The following ARPC1A variants were observed in gnomAD, a reference collection of about 807,000 sequenced individuals.
ARPC1A encodes the protein actin-related protein 2/3 complex subunit 1A.
Under a neutral mutation model 46.9 loss-of-function variants are expected in ARPC1A, and 8 were observed. The ratio of observed to expected loss-of-function variants is 0.17; its 90% confidence interval spans 0.10 to 0.31. The LOEUF (loss-of-function observed/expected upper bound fraction) is 0.31. ARPC1A is among the 10% of genes least tolerant of loss of function. The pLI, the probability that ARPC1A is intolerant of heterozygous loss-of-function variation, is 1.00. For synonymous variants in ARPC1A, 152 were observed against 169.0 expected, an observed-to-expected ratio of 0.90 and a Z score of 0.78; for missense variants, 286 against 483.6, an observed-to-expected ratio of 0.59 and a Z score of 3.83.
At chr7:99,335,033 GAC>G (rs1793217217) in intron 2 of ARPC1A, among the ~76,000 whole-genome samples, 1 of 152,158 alleles carries the variant, frequency 6.6e-6, no homozygotes, top group Admixed American at 6.5e-5. Flanking sequence ...TTTTAGTAGA[GAC>G]AGGGTTTCAC....
chr7:99,335,569 T>C (rs190957445), intron 2 of ARPC1A: 14 of 291,962 alleles, frequency 4.8e-5, no homozygotes, highest in South Asian at 3.6e-4. Flanking sequence ...CATTTCCATA[T>C]GAATTTTAGG....
Position 99,355,282 on chromosome 7 carries a change from C to CA in ARPC1A, c.713+1171dup, listed in dbSNP as rs201999341. ...GGGCAACAAGAGCAAAACTATGTCT[C>CA]AAAAAAAAAACTGCAAGTCAGCTTT... On this transcript the variant is annotated intron_variant, in intron 6 of 9. Transcript: ENST00000262942. Among the ~76,000 whole-genome samples the CA allele has an allele frequency of 2.5e-3, 366 of 145,096 alleles. 3 individuals carry two copies. In the East Asian group the frequency reaches 0.044, roughly 17 times the overall value.
rs1001744495 is a variant in ARPC1A at position 99,345,949 on chromosome 7, C to T, written c.392+1434C>T. 7.5e-4 allele frequency among the ~76,000 whole-genome samples: 114 copies of T among 152,158 alleles called. 6 individuals are homozygous for T. On this transcript the variant is annotated intron_variant, in intron 4 of 9. Coordinates refer to ENST00000262942, the MANE Select transcript of ARPC1A (RefSeq NM_006409.4). ...GAGTTATGGGCCAGGTACAGTGGCT[C>T]ATGCCTGTAACCCCAGCACTTTGGG...
intron 4 of ARPC1A, among the ~76,000 whole-genome samples, chr7:99,346,164 C>T (rs549063915): frequency 1.3e-5 from 2 of 150,310 alleles, no homozygotes; most frequent in East Asian, 2.0e-4. Context: ...TGCGGTGAGC[C>T]GAGATCACGC....
At chr7:99,327,352 C>G (rs925249119) in intron 1 of ARPC1A, among the ~76,000 whole-genome samples, 5 of 151,872 alleles carry the variant, frequency 3.3e-5, no homozygotes, top group African/African-American at 1.2e-4. Context: ...ACTCTGTCAC[C>G]CAGACTGGAG....
Position 99,365,273 on chromosome 7 carries a change from G to A in ARPC1A, c.1075-618G>A, listed in dbSNP as rs530051081. Among the ~76,000 whole-genome samples, 589 of 151,798 alleles carry A rather than the reference G, an allele frequency of 3.9e-3. 6 individuals are homozygous for A. Among genetic ancestry groups the A allele is most frequent in the South Asian group, 0.016 (78 of 4,802 alleles). On this transcript the variant is annotated intron_variant, in intron 9 of 9. Coordinates refer to ENST00000262942, the MANE Select transcript of ARPC1A (RefSeq NM_006409.4). Reference sequence around the variant, plus strand: ...TTGAGACCAGTTTGGGCAACATAGCGTGACCCCATCTCTATAAAAAAGCCA... The same window carrying A: ...TTGAGACCAGTTTGGGCAACATAGCATGACCCCATCTCTATAAAAAAGCCA...
chr7:99,351,086 T>C (rs1793537101), intron 5 of ARPC1A, among the ~76,000 whole-genome samples: 1 of 151,454 alleles, frequency 6.6e-6, no homozygotes, highest in Non-Finnish European at 1.5e-5. Flanking sequence ...GTCATGGGAG[T>C]GTCAAGGCAC....
intron 6 of ARPC1A, among the ~76,000 whole-genome samples, chr7:99,354,775 A>T (rs1793603081): frequency 6.6e-6 from 1 of 152,080 alleles, no homozygotes; most frequent in South Asian, 2.1e-4. Context: ...TGAGGTCAGG[A>T]GTTCAAGGCC....
At chr7:99,361,538 A>G (rs1222804808) in intron 8 of ARPC1A, among the ~76,000 whole-genome samples, 2 of 150,830 alleles carry the variant, frequency 1.3e-5, no homozygotes, top group South Asian at 2.1e-4. Context: ...TTCTCCTTCT[A>G]TAGCAAAACT....
At chr7:99,330,833 C>T (rs1268169256) in intron 1 of ARPC1A, among the ~76,000 whole-genome samples, 3 of 152,160 alleles carry the variant, frequency 2.0e-5, no homozygotes, top group African/African-American at 4.8e-5. Context: ...GTGAGGGTGC[C>T]TCCTGGAAAT....
At chr7:99,356,857 G>A (rs920475675) in intron 6 of ARPC1A, among the ~76,000 whole-genome samples, 2 of 151,730 alleles carry the variant, frequency 1.3e-5, no homozygotes, top group African/African-American at 2.4e-5. Context: ...CCGAGATTGC[G>A]CCACTGCACT....
rs913179673 is a variant in ARPC1A at position 99,325,992 on chromosome 7, C to T, written c.-42C>T. 2.0e-5 allele frequency: 3 copies of T among 152,490 alleles called. No homozygotes were observed. Among genetic ancestry groups the T allele is most frequent in the East Asian group, 1.9e-4 (1 of 5,192 alleles). 9.4% of individuals were successfully genotyped at this position (152,490 alleles called of 1,614,324 possible). On this transcript the variant is annotated 5_prime_UTR_variant, in exon 1 of 10. Coordinates refer to ENST00000262942, the MANE Select transcript of ARPC1A (RefSeq NM_006409.4). ...CCTCCGCTCCGAGCCCGTCCGGACTCCCCCGATCCCAGGTAACGGCCAGCA... is the reference window on the plus strand; with the variant it reads ...CCTCCGCTCCGAGCCCGTCCGGACTTCCCCGATCCCAGGTAACGGCCAGCA...
intron 3 of ARPC1A, among the ~76,000 whole-genome samples, chr7:99,342,708 T>C (rs1455677044): frequency 6.6e-6 from 1 of 150,504 alleles, no homozygotes; most frequent in African/African-American, 2.5e-5. Context: ...ACTAAACTCT[T>C]CATACTACTT....
chr7:99,359,905 T>G, intron 8 of ARPC1A, 167 bp downstream of exon 8: 1 of 812,580 alleles, frequency 1.2e-6, no homozygotes, highest in Non-Finnish European at 1.9e-6. Context: ...GGCTCTCATT[T>G]CCAGCTCGTG....
intron 1 of ARPC1A, among the ~76,000 whole-genome samples, chr7:99,329,164 G>A (rs1793102430): frequency 1.3e-5 from 2 of 151,844 alleles, no homozygotes; most frequent in African/African-American, 4.8e-5. Flanking sequence ...GGCCGGGTGT[G>A]GTGGCGGGCC....
chr7:99,338,152 G>A, intron 2 of ARPC1A, 29 bp from the exon 3 acceptor site: 1 of 1,524,216 alleles, frequency 6.6e-7, no homozygotes, highest in South Asian at 1.1e-5. Flanking sequence ...AAGTTCAGGT[G>A]TTAACTGTTG....
chr7:99,333,279 C>A, intron 1 of ARPC1A, 46 bp from the exon 2 acceptor site: 1 of 1,233,652 alleles, frequency 8.1e-7, no homozygotes, highest in Non-Finnish European at 1.2e-6. Context: ...TGGTTACTTG[C>A]CTTTTCCCTA....
chr7:99,338,538 A>G (rs1344138737), intron 3 of ARPC1A, among the ~76,000 whole-genome samples: 6 of 151,692 alleles, frequency 4.0e-5, no homozygotes, highest in Non-Finnish European at 5.9e-5. Context: ...GGCACGCGCC[A>G]CTATGCCTGG....
At chr7:99,338,376 T>C in intron 3 of ARPC1A, 91 bp downstream of exon 3, 1 of 608,880 alleles carries the variant, frequency 1.6e-6, no homozygotes, top group Non-Finnish European at 2.4e-6. Flanking sequence ...CAGGTGGCCA[T>C]AATTTTTTTT....
Sources: allele counts gnomAD v4.1 joint callset (sites outside exome capture counted in the v4.1 genomes callset), GRCh38; gene constraint gnomAD v4.1.1; transcripts MANE v1.5; gene names NCBI Gene and HGNC (gene_info 2026-07-23, HGNC 2026-07-21).